Variants in PPARGC1A observed in about 807,000 individuals in gnomAD.
The protein encoded by PPARGC1A is PPARG coactivator 1 alpha, also known as peroxisome proliferator-activated receptor gamma coactivator 1-alpha.
A neutral mutation model predicts 88.7 loss-of-function variants in PPARGC1A; 25 were observed. The ratio of observed to expected loss-of-function variants is 0.28; its 90% CI spans 0.21 to 0.39. PPARGC1A has a LOEUF of 0.39. Among genes scored for constraint, PPARGC1A ranks in the 10% least tolerant of loss-of-function variants. The pLI is 1.00. For synonymous variants in PPARGC1A, 363 were observed against 355.6 expected (o/e 1.02, Z -0.24); for missense variants, 880 against 968.7 (o/e 0.91, Z 1.22).
intron 3 of PPARGC1A, among the ~76,000 whole-genome samples, chr4:23,830,604 T>C (rs1447818035): frequency 6.6e-6 from 1 of 152,226 alleles, no homozygotes; most frequent in East Asian, 1.9e-4. Context: ...TATATTTGCA[T>C]AGAGTATTTT....
the PPARGC1A span, among the ~76,000 whole-genome samples, chr4:24,471,452 C>A: frequency 6.6e-6 from 1 of 152,306 alleles, no homozygotes; most frequent in East Asian, 1.9e-4. The surrounding 1 kb of genome is among the most constrained non-coding windows in gnomAD (Gnocchi z 5.4). Context: ...AGACTTTCAC[C>A]AACAAGCGGT....
the PPARGC1A span, among the ~76,000 whole-genome samples, chr4:24,237,653 T>A: frequency 6.6e-6 from 1 of 152,182 alleles, no homozygotes; most frequent in African/African-American, 2.4e-5. Context: ...TTTTCTCCTC[T>A]CTCTCTACCC....
At chr4:23,900,810 C>T (rs1269028886), upstream of PPARGC1A, among the ~76,000 whole-genome samples, 2 of 152,198 alleles carry the variant, frequency 1.3e-5, no homozygotes, top group African/African-American at 2.4e-5. Flanking sequence ...ATACCAGTCC[C>T]GAGCTGGCAC....
At chr4:23,894,627 C>T (rs1028477498), upstream of PPARGC1A, among the ~76,000 whole-genome samples, 1 of 152,182 alleles carries the variant, frequency 6.6e-6, no homozygotes, top group South Asian at 2.1e-4. Flanking sequence ...CCAGTAAAAC[C>T]TTCTGCAGAC....
At chr4:23,802,676 C>CAAAAAAAA (rs397823520) in intron 10 of PPARGC1A, among the ~76,000 whole-genome samples, 1 of 26,122 alleles carries the variant, frequency 3.8e-5, no homozygotes, top group Non-Finnish European at 8.6e-5. Flanking sequence ...GACTCCATCT[C>CAAAAAAAA]AAAAAAAAAA....
intron 2 of PPARGC1A, among the ~76,000 whole-genome samples, chr4:23,874,837 T>C (rs1714366547): frequency 6.6e-6 from 1 of 152,194 alleles, no homozygotes; most frequent in East Asian, 1.9e-4. Context: ...TTTCTTTCTC[T>C]TAGCAAGCTT....
the PPARGC1A span, among the ~76,000 whole-genome samples, chr4:23,946,809 T>C: frequency 2.6e-5 from 4 of 151,904 alleles, no homozygotes; most frequent in Non-Finnish European, 4.4e-5. Flanking sequence ...TGAAAATATA[T>C]GTACACACAC....
At chr4:24,191,015 G>T in the PPARGC1A span, among the ~76,000 whole-genome samples, 1 of 152,148 alleles carries the variant, frequency 6.6e-6, no homozygotes, top group Non-Finnish European at 1.5e-5. Flanking sequence ...CGAGATAAAA[G>T]GACTACACAG....
chr4:24,446,059 C>T, the PPARGC1A span, among the ~76,000 whole-genome samples: 1 of 152,052 alleles, frequency 6.6e-6, no homozygotes, highest in African/African-American at 2.4e-5. Flanking sequence ...GAGCAAGACT[C>T]TGTCTCAAAA....
At chr4:24,387,816 GAAAGAA>G in the PPARGC1A span, among the ~76,000 whole-genome samples, 2 of 101,540 alleles carry the variant, frequency 2.0e-5, no homozygotes, top group East Asian at 2.9e-4. Flanking sequence ...AAGAAAGAAA[GAAAGAA>G]AGAGAGAAAG....
chr4:24,015,888 C>T, the PPARGC1A span, among the ~76,000 whole-genome samples: 16 of 152,270 alleles, frequency 1.1e-4, 1 homozygote, highest in East Asian at 1.5e-3. Context: ...TTGAAGAGAA[C>T]ATACCTGCTT....
At chr4:24,311,157 T>G in the PPARGC1A span, among the ~76,000 whole-genome samples, 149 of 121,412 alleles carry the variant, frequency 1.2e-3, no homozygotes, top group Non-Finnish European at 1.8e-3. Flanking sequence ...TAGAGTGCAG[T>G]GGCGAGATCT....
chr4:23,877,591 A>G (rs924744117), intron 2 of PPARGC1A: 1 of 151,552 alleles, frequency 6.6e-6, no homozygotes. Context: ...GAGGTTAAGA[A>G]GAAGAAAAAA....
the PPARGC1A span, among the ~76,000 whole-genome samples, chr4:24,447,405 C>T: frequency 2.1e-4 from 32 of 152,216 alleles, no homozygotes; most frequent in Admixed American, 9.8e-4. Context: ...CCCAGGGATG[C>T]GGCACTGGAG....
chr4:23,913,388 A>G, the PPARGC1A span, among the ~76,000 whole-genome samples: 2 of 151,136 alleles, frequency 1.3e-5, no homozygotes, highest in Non-Finnish European at 2.9e-5. Flanking sequence ...GGCAGGAGTG[A>G]TCAAGCACTT....
At chr4:23,912,205 G>C in the PPARGC1A span, among the ~76,000 whole-genome samples, 3 of 152,104 alleles carry the variant, frequency 2.0e-5, no homozygotes, top group African/African-American at 7.2e-5. Flanking sequence ...GTTCTAGATT[G>C]GGCTTTCTAG....
chr4:24,132,322 T>C, the PPARGC1A span, among the ~76,000 whole-genome samples: 1 of 151,498 alleles, frequency 6.6e-6, no homozygotes, highest in Non-Finnish European at 1.5e-5. Context: ...ATTATCAAAA[T>C]CAATTATCAA....
At chr4:24,174,462 T>C in the PPARGC1A span, among the ~76,000 whole-genome samples, 1 of 152,218 alleles carries the variant, frequency 6.6e-6, no homozygotes, top group African/African-American at 2.4e-5. Context: ...TGGAGAACAC[T>C]TGTCTTAGTG....
the PPARGC1A span, among the ~76,000 whole-genome samples, chr4:24,266,228 C>CAGTG: frequency 6.6e-6 from 1 of 152,140 alleles, no homozygotes; most frequent in Non-Finnish European, 1.5e-5. Flanking sequence ...CAGAACTGCC[C>CAGTG]AGTGAATAAG....
Sources: allele counts gnomAD v4.1 joint callset (sites outside exome capture counted in the v4.1 genomes callset), GRCh38; gene constraint gnomAD v4.1.1; non-coding constraint Gnocchi (gnomAD v3.1); transcripts MANE v1.5; gene names NCBI Gene and HGNC (gene_info 2026-07-23, HGNC 2026-07-21).